The following GPR39 variants were observed in gnomAD, a reference collection of about 807,000 sequenced individuals.
The protein encoded by GPR39 is G protein-coupled receptor 39.
GPR39 carries 23 observed loss-of-function variants against 18.4 expected under a neutral mutation model. The observed-to-expected ratio is 1.25, with a 90% CI of 0.90 to 1.77. The LOEUF is 1.77. GPR39 is among the 40% of genes most tolerant of loss of function. The probability of loss-of-function intolerance (pLI) is 0.00; values close to 1 mark genes in which losing one functional copy is unlikely to be tolerated. For missense variants in GPR39, 647 were observed against 602.4 expected (o/e 1.07, Z -0.78); for synonymous variants, 280 against 257.9 (o/e 1.09, Z -0.82).
At chr2:132,469,792 C>G (rs1370489014) in intron 1 of GPR39, among the ~76,000 whole-genome samples, 5 of 152,224 alleles carry the variant, frequency 3.3e-5, no homozygotes, top group Non-Finnish European at 7.3e-5. Flanking sequence ...GACTACCTCA[C>G]TTACATGCTG....
chr2:132,564,140 G>A (rs781357675), intron 1 of GPR39, among the ~76,000 whole-genome samples: 6 of 152,228 alleles, frequency 3.9e-5, no homozygotes, highest in African/African-American at 9.6e-5. Context: ...GACTTGAGGC[G>A]GCTGAGGATC....
intron 1 of GPR39, among the ~76,000 whole-genome samples, chr2:132,582,012 G>A (rs1185441617): frequency 6.6e-6 from 1 of 152,168 alleles, no homozygotes; most frequent in African/African-American, 2.4e-5. Flanking sequence ...GTGCTGATTG[G>A]CAGTCCCAGC....
intron 1 of GPR39, among the ~76,000 whole-genome samples, chr2:132,487,397 A>G (rs1441865228): frequency 1.3e-5 from 2 of 152,218 alleles, no homozygotes; most frequent in Admixed American, 6.5e-5. Flanking sequence ...CAGTGTTGCC[A>G]CATGTCTTCA....
chr2:132,556,273 T>C (rs1324844937), intron 1 of GPR39, among the ~76,000 whole-genome samples: 1 of 152,196 alleles, frequency 6.6e-6, no homozygotes, highest in African/African-American at 2.4e-5. Context: ...ATGGACAGCC[T>C]AAGTAGTGGT....
At chr2:132,434,321 A>G (rs901333149) in intron 1 of GPR39, among the ~76,000 whole-genome samples, 1 of 152,246 alleles carries the variant, frequency 6.6e-6, no homozygotes, top group African/African-American at 2.4e-5. Flanking sequence ...AAGGGAAAAG[A>G]TAAACACCAG....
Position 132,480,199 on chromosome 2 carries a change from C to CT in GPR39, c.856+62302dup, listed in dbSNP as rs541884907. Reference sequence around the variant, plus strand: ...ATATGATTTGACTTATATGAGGTATCTAAAGTTGAAAAATTCATAGAAACA... The same window carrying CT: ...ATATGATTTGACTTATATGAGGTATCTTAAAGTTGAAAAATTCATAGAAACA... On this transcript the variant is annotated intron_variant, in intron 1 of 1. Coordinates refer to ENST00000329321, the MANE Select transcript of GPR39 (RefSeq NM_001508.3). Among the ~76,000 whole-genome samples, 409 of 152,192 alleles carry CT rather than the reference C, an allele frequency of 2.7e-3. 2 individuals carry two copies. Among genetic ancestry groups the CT allele is most frequent in the Middle Eastern group, 0.01 (3 of 294 alleles).
At chr2:132,585,905 G>A (rs1478672284) in intron 1 of GPR39, among the ~76,000 whole-genome samples, 1 of 145,412 alleles carries the variant, frequency 6.9e-6, no homozygotes, top group Non-Finnish European at 1.5e-5. Context: ...GGGCCAAAGA[G>A]AGAAATCAAC....
intron 1 of GPR39, among the ~76,000 whole-genome samples, chr2:132,481,631 T>C (rs1000139011): frequency 7.2e-5 from 11 of 152,244 alleles, no homozygotes; most frequent in African/African-American, 2.7e-4. Flanking sequence ...ACACATTGCA[T>C]ACATATTTCA....
At chr2:132,571,001 G>A (rs112338897) in intron 1 of GPR39, among the ~76,000 whole-genome samples, 29 of 152,294 alleles carry the variant, frequency 1.9e-4, no homozygotes, top group Admixed American at 4.6e-4. Context: ...TGCTCAGTGC[G>A]CTGTAGGGAC....
intron 1 of GPR39, among the ~76,000 whole-genome samples, chr2:132,633,521 T>G (rs1414450435): frequency 7.2e-5 from 11 of 152,150 alleles, no homozygotes; most frequent in Admixed American, 7.2e-4. Context: ...GAGAAAGTCA[T>G]TGACTCTTTC....
rs116602383 is a variant in GPR39 at position 132,416,948 on chromosome 2, G to C, written c.-95G>C. 6.7e-4 allele frequency: 968 copies of C among 1,443,116 alleles called. 5 individuals are homozygous for C. In the African/African-American group the frequency reaches 0.012, roughly 17 times the overall value. The allele number at this position is 1,443,116 out of a possible 1,614,324, so 89.4% of individuals were successfully genotyped here. A position where few individuals can be genotyped will look rare whatever the true frequency, so the allele number is the denominator to read the frequency against. On this transcript the variant is annotated 5_prime_UTR_variant, in exon 1 of 2. Transcript: ENST00000329321. Reference sequence around the variant, plus strand: ...GAGTGAGATAAAATCGTGCGCCCACGCAGGTGAGTTTGCAGCCAAGAATTT... The same window carrying C: ...GAGTGAGATAAAATCGTGCGCCCACCCAGGTGAGTTTGCAGCCAAGAATTT...
chr2:132,610,777 C>CAAAAAAAA (rs34611787), intron 1 of GPR39, among the ~76,000 whole-genome samples: 59 of 88,702 alleles, frequency 6.7e-4, no homozygotes, highest in African/African-American at 2.6e-3. Context: ...ACTCTGTCTC[C>CAAAAAAAA]AAAAAAAAAA....
At chr2:132,516,677 C>T (rs1295040604) in intron 1 of GPR39, among the ~76,000 whole-genome samples, 1 of 152,154 alleles carries the variant, frequency 6.6e-6, no homozygotes, top group African/African-American at 2.4e-5. Context: ...TAAAGCCAAG[C>T]TGGGTCATGG....
Position 132,609,403 on chromosome 2 carries a change from C to T in GPR39, c.857-35698C>T, listed in dbSNP as rs951870654. Among the ~76,000 whole-genome samples, 5 of 152,052 alleles carry T rather than the reference C, an allele frequency of 3.3e-5. No individual in the cohort carries two copies. In the South Asian group the frequency reaches 1.0e-3, roughly 32 times the overall value. ...AAACCTGGAGAATGGTGGTATTACC[C>T]CAATCATTAAAGATGAGAAAACGGA... On this transcript the variant is annotated intron_variant, in intron 1 of 1. Transcript: ENST00000329321.
intron 1 of GPR39, among the ~76,000 whole-genome samples, chr2:132,480,387 G>A (rs1470354715): frequency 3.9e-5 from 6 of 152,228 alleles, no homozygotes; most frequent in South Asian, 4.2e-4. Context: ...CTTAAAAATG[G>A]TTAAGATGGT....
intron 1 of GPR39, among the ~76,000 whole-genome samples, chr2:132,617,966 G>A (rs1188155743): frequency 6.6e-6 from 1 of 152,214 alleles, no homozygotes; most frequent in African/African-American, 2.4e-5. Flanking sequence ...GCTGTGGCCT[G>A]TTGCTTCCCT....
In GPR39 at chr2:132,645,315, G is replaced by GGT; in HGVS notation, c.1073_1074dup (p.Leu359CysfsTer53). On this transcript the variant is annotated frameshift_variant, in exon 2 of 2. Coordinates refer to ENST00000329321, the MANE Select transcript of GPR39 (RefSeq NM_001508.3). LOFTEE classifies it low-confidence loss of function (END_TRUNC). Reference sequence around the variant, plus strand: ...AGCAGTTTCGGCGGGTGTTCGTGCAGGTGCTGTGCTGCCGCCTGTCGCTGC... The same window carrying GGT: ...AGCAGTTTCGGCGGGTGTTCGTGCAGGTGTGCTGTGCTGCCGCCTGTCGCTGC... 6.2e-7 allele frequency: 1 copy of GGT among 1,614,220 alleles called. No individual in the cohort carries two copies. The highest frequency in any genetic ancestry group is 8.5e-7 in the Non-Finnish European group (1 of 1,180,036).
intron 1 of GPR39, among the ~76,000 whole-genome samples, chr2:132,532,787 A>G (rs1213567208): frequency 6.7e-6 from 1 of 150,028 alleles, no homozygotes; most frequent in African/African-American, 2.5e-5. Flanking sequence ...CTTTGACAAA[A>G]TTCAACAACC....
chr2:132,428,602 T>C (rs968393037), intron 1 of GPR39, among the ~76,000 whole-genome samples: 3 of 152,186 alleles, frequency 2.0e-5, no homozygotes, highest in African/African-American at 7.2e-5. Context: ...AGGCAGAGTA[T>C]TGGGCCACAC....
Sources: gnomAD v4.1 joint callset for allele counts (sites outside exome capture counted in the v4.1 genomes callset) on GRCh38, gnomAD v4.1.1 for gene constraint, MANE v1.5 for transcripts, NCBI Gene and HGNC (gene_info 2026-07-23, HGNC 2026-07-21) for gene names.